ARAF: variants seen among roughly 807,000 people sequenced by gnomAD.
ARAF encodes A-Raf proto-oncogene, serine/threonine kinase.
In ARAF, 18 loss-of-function variants were observed where a neutral mutation model predicts 48.0. The observed-to-expected ratio is 0.37, with a 90% CI of 0.26 to 0.56. The LOEUF (loss-of-function observed/expected upper bound fraction) is 0.56, where lower values mean the gene tolerates loss of function less well. ARAF is among the 20% of genes least tolerant of loss of function. The pLI is 0.77. For synonymous variants in ARAF, 207 were observed against 220.1 expected, an observed-to-expected ratio of 0.94 and a Z score of 0.53; for missense variants, 389 against 543.1, an observed-to-expected ratio of 0.72 and a Z score of 2.82.
chrX:47,569,889 G>A lies in ARAF; in HGVS notation c.1420-4G>A. The A allele has an allele frequency of 1.7e-6, 2 of 1,206,398 alleles. No homozygotes were observed. The highest frequency in any genetic ancestry group is 2.2e-6 in the Non-Finnish European group (2 of 893,211). ...GTCCCCCTGCCTGGTCTGGCCTGTT[G>A]TAGGCAGCTGAGGTGATCCGTATGC... On this transcript the variant is annotated splice_polypyrimidine_tract_variant and splice_region_variant and intron_variant, in intron 13 of 15. Transcript: ENST00000377045.
At chrX:47,571,125 G>A in intron 15 of ARAF, 113 bp downstream of exon 15, 1 of 963,711 alleles carries the variant, frequency 1.0e-6, no homozygotes, top group Non-Finnish European at 1.4e-6. Context: ...GTGTGTGTGT[G>A]TGTGTGTGTG....
rs2057757456 is a variant in ARAF at position 47,571,369 on chromosome X, A to G, written c.1733A>G (p.Glu578Gly). ...CTGCAACGGTCACTCCCCAAGATTGAGCGGAGTGCCTCGGAACCCTCCTTG... is the reference window on the plus strand; with the variant it reads ...CTGCAACGGTCACTCCCCAAGATTGGGCGGAGTGCCTCGGAACCCTCCTTG... The part of the protein sequence containing the change: ...ELLQRSLPKI[E>G]RSASEPSLHR... Residue 578 changes from glutamate (E) to glycine (G), a missense_variant, in exon 16 of 16, where the codon GAG (glutamate) becomes GGG (glycine). Glu to Gly is a moderately conservative substitution (Grantham distance 98, BLOSUM62 -2). Transcript: ENST00000377045. 2 of 1,208,731 alleles carry G rather than the reference A, an allele frequency of 1.7e-6. No homozygotes were observed. The highest frequency in any genetic ancestry group is 2.2e-5 in the Admixed American group (1 of 45,702).
chrX:47,563,895 A>G (rs2057721082), intron 3 of ARAF, among the ~76,000 whole-genome samples: 1 of 111,896 alleles, frequency 8.9e-6, no homozygotes, highest in Admixed American at 9.5e-5. Context: ...TATGATATTG[A>G]GTCAGTTGTT....
At chrX:47,568,584 G>A (rs2147907775) in intron 10 of ARAF, 134 bp from the exon 11 acceptor site, 1 of 660,731 alleles carries the variant, frequency 1.5e-6, no homozygotes, top group East Asian at 3.6e-5. Flanking sequence ...CAATGCTTTG[G>A]TCCTGAGTGC....
At chrX:47,562,592 C>T (rs2057714819) in intron 1 of ARAF, among the ~76,000 whole-genome samples, 1 of 109,272 alleles carries the variant, frequency 9.2e-6, no homozygotes, top group Non-Finnish European at 1.9e-5. Context: ...CCCCATTGGT[C>T]CCCAGCACAG....
At chrX:47,569,512 C>T in intron 12 of ARAF, 27 bp from the exon 13 acceptor site, 1 of 1,160,155 alleles carries the variant, frequency 8.6e-7, no homozygotes, top group Non-Finnish European at 1.2e-6. Flanking sequence ...TATTAGGAGT[C>T]CCTGTAGTGG....
chrX:47,567,546 C>T lies in ARAF; in HGVS notation c.1076+114C>T, dbSNP rs947415028. ...CATCACCTGTGTTTGTGTTGTTAAA[C>T]CATCATCAGAAGTTGTTTCTCTCTG... On this transcript the variant is annotated intron_variant, in intron 10 of 15. Transcript: ENST00000377045. The T allele has an allele frequency of 5.9e-6, 5 of 850,222 alleles. No individual in the cohort carries two copies. In the African/African-American group the frequency reaches 1.0e-4, roughly 17 times the overall value. The allele number at this position is 850,222 out of a possible 1,213,427, so 70.1% of individuals were successfully genotyped here.
intron 6 of ARAF, chrX:47,566,105 TG>T (rs1386744495): frequency 1.8e-5 from 2 of 111,842 alleles, no homozygotes; most frequent in African/African-American, 6.5e-5. Context: ...TATAACAATA[TG>T]GTAATATGTA....
intron 8 of ARAF, 27 bp downstream of exon 8, chrX:47,566,938 C>T (rs376771155): frequency 8.3e-7 from 1 of 1,209,522 alleles, no homozygotes; most frequent in Non-Finnish European, 1.1e-6. Flanking sequence ...TGCACCCTGA[C>T]CCCCGCTGCC....
rs756771141 is a variant in ARAF, at chrX:47,564,807, G to T, written c.211G>T (p.Val71Phe). The change falls in exon 4 of 16, where the codon GTC (valine) becomes TTC (phenylalanine). Residue 71 changes from valine to phenylalanine, a missense_variant. This residue lies in a region of ARAF where 47 missense variants were observed against 66.9 expected (regional missense o/e 0.70). Transcript: ENST00000377045. ...CCATGCCCCCTGCAGACGAAAGACG[G>T]TCACTGCCTGGGACACAGCCATTGC... ...VYRLIKGRKT[V>F]TAWDTAIAPL... 7.5e-6 allele frequency: 9 copies of T among 1,203,137 alleles called. No homozygotes were observed. In the Admixed American group the frequency reaches 2.0e-4, roughly 27 times the overall value.
chrX:47,571,141 G>GTT (rs1349601461), intron 15 of ARAF, 129 bp downstream of exon 15: 3 of 903,631 alleles, frequency 3.3e-6, no homozygotes, highest in Non-Finnish European at 4.5e-6. Flanking sequence ...GTGTGTGTGT[G>GTT]TTTCACCATG....
At chrX:47,566,844 C>A (rs778980583) in intron 7 of ARAF, 40 bp from the exon 8 acceptor site, 1 of 1,209,981 alleles carries the variant, frequency 8.3e-7, no homozygotes, top group Admixed American at 2.2e-5. Flanking sequence ...CCCTGTTGGC[C>A]TCCATGCCCT....
Position 47,570,011 on chromosome X carries a change from G to T in ARAF, c.1538G>T (p.Gly513Val), listed in dbSNP as rs749120411. The T allele has an allele frequency of 3.3e-5, 40 of 1,203,615 alleles. No homozygotes were observed. The highest frequency in any genetic ancestry group is 4.4e-5 in the Non-Finnish European group (39 of 893,034). ...MTGSLPYSHIGCRDQIIFMVG... is the reference protein window; with the variant it reads ...MTGSLPYSHIVCRDQIIFMVG... ...GGCTCACTGCCTTACAGCCACATTG[G>T]CTGCCGTGACCAGGTGAGCCCCACA... Residue 513 changes from glycine to valine, a missense_variant, in exon 14 of 16, where the codon GGC (glycine) becomes GTC (valine). By Grantham distance (109) the Gly-to-Val change is moderately radical. Around this residue, in one of 4 missense-constraint regions of ARAF, gnomAD observed 170 missense variants for 281.4 expected, o/e 0.60. Coordinates refer to ENST00000377045, the MANE Select transcript of ARAF (RefSeq NM_001654.5).
At position 47,567,366 on chromosome X, in the gene ARAF, T is replaced by C. The variant is rs1421001199; in HGVS notation, c.1010T>C (p.Val337Ala). 6 of 1,208,277 alleles carry C rather than the reference T, an allele frequency of 5.0e-6. No individual in the cohort carries two copies. The highest frequency in any genetic ancestry group is 6.7e-6 in the Non-Finnish European group (6 of 894,541). Residue 337 changes from valine to alanine, a missense_variant, in exon 10 of 16, where the codon GTG becomes GCG. Around this residue, in one of 4 missense-constraint regions of ARAF, gnomAD observed 170 missense variants for 281.4 expected, o/e 0.60. Transcript: ENST00000377045. ...GRWHGDVAVK[V>A]LKVSQPTAEQ... is the part of the protein sequence containing the mutation. Reference sequence around the variant, plus strand: ...TGGCATGGCGATGTGGCCGTGAAGGTGCTCAAGGTGTCCCAGCCCACAGCT... The same window carrying C: ...TGGCATGGCGATGTGGCCGTGAAGGCGCTCAAGGTGTCCCAGCCCACAGCT...
At position 47,566,698 on chromosome X, in the gene ARAF, C is replaced by T; in HGVS notation, c.617C>T (p.Pro206Leu). 1 of 1,202,930 alleles carries T rather than the reference C, an allele frequency of 8.3e-7. No individual in the cohort carries two copies. Among genetic ancestry groups the T allele is most frequent in the Non-Finnish European group, 1.1e-6 (1 of 891,103 alleles). ...CCCTTCCCTGCCCCAGCCAATGCCC[C>T]CCTACAGCGCATCCGCTCCACGTCC... ...HFPFPAPANA[P>L]LQRIRSTSTP... Residue 206 changes from proline (P) to leucine (L), a missense_variant, in exon 7 of 16, where the codon CCC (proline) becomes CTC (leucine). Physicochemically the swap from Pro to Leu is moderately conservative, Grantham distance 98 (BLOSUM62 -3). Around this residue, in one of 4 missense-constraint regions of ARAF, gnomAD observed 154 missense variants for 133.6 expected, o/e 1.15. Transcript: ENST00000377045.
chrX:47,567,118 A>G lies in ARAF; in HGVS notation c.860A>G (p.Asp287Gly). 8.3e-7 allele frequency: 1 copy of G among 1,211,184 alleles called. No homozygotes were observed. Among genetic ancestry groups the G allele is most frequent in the Non-Finnish European group, 1.1e-6 (1 of 895,187 alleles). The change falls in exon 9 of 16, where the codon GAC becomes GGC. Residue 287 changes from aspartate to glycine, a missense_variant. Physicochemically the swap from Asp to Gly is moderately conservative, Grantham distance 94. Around this residue, in one of 4 missense-constraint regions of ARAF, gnomAD observed 154 missense variants for 133.6 expected, o/e 1.15. Coordinates refer to ENST00000377045, the MANE Select transcript of ARAF (RefSeq NM_001654.5). ...EQRERKSLAD[D>G]KKKVKNLGYR... ...CGCGAGCGGAAGTCCTTGGCCGATGACAAGAAGAAAGTGGTATGCTCGAGG... is the reference window on the plus strand; with the variant it reads ...CGCGAGCGGAAGTCCTTGGCCGATGGCAAGAAGAAAGTGGTATGCTCGAGG...
In ARAF at chrX:47,566,713, G is replaced by T; in HGVS notation, c.632G>T (p.Arg211Leu). 8.3e-7 allele frequency: 1 copy of T among 1,206,083 alleles called. No individual in the cohort carries two copies. Among genetic ancestry groups the T allele is most frequent in the Non-Finnish European group, 1.1e-6 (1 of 892,851 alleles). ...APANAPLQRI[R>L]STSTPNVHMV... ...GCCAATGCCCCCCTACAGCGCATCCGCTCCACGTCCACTCCCAACGTCCAT... is the reference window on the plus strand; with the variant it reads ...GCCAATGCCCCCCTACAGCGCATCCTCTCCACGTCCACTCCCAACGTCCAT... Residue 211 changes from arginine (R) to leucine (L), a missense_variant, in exon 7 of 16, where the codon CGC becomes CTC. Arg to Leu is a moderately radical substitution (Grantham distance 102). Coordinates refer to ENST00000377045, the MANE Select transcript of ARAF (RefSeq NM_001654.5).
intron 3 of ARAF, among the ~76,000 whole-genome samples, chrX:47,564,028 A>C: frequency 8.9e-6 from 1 of 112,273 alleles, no homozygotes; most frequent in Non-Finnish European, 1.9e-5. Flanking sequence ...CTCAGAATGC[A>C]CGTAATTTAA....
intron 10 of ARAF, 139 bp downstream of exon 10, chrX:47,567,571 G>T (rs929017809): frequency 3.5e-5 from 24 of 685,904 alleles, no homozygotes; most frequent in Non-Finnish European, 4.6e-5. Context: ...GTTTCTCTCT[G>T]AAGGGTGTCC....
Sources: gnomAD v4.1 joint callset for allele counts (sites outside exome capture counted in the v4.1 genomes callset) on GRCh38, gnomAD v4.1.1 for gene constraint, gnomAD v4.1.1 regional missense constraint, MANE v1.5 for transcripts, NCBI Gene and HGNC (gene_info 2026-07-23, HGNC 2026-07-21) for gene names.